UNC5C: variants seen among roughly 807,000 people sequenced by gnomAD.
UNC5C encodes the protein unc-5 netrin receptor C, also known as netrin receptor UNC5C.
UNC5C carries 47 observed loss-of-function variants against 99.8 expected under a neutral mutation model. The observed-to-expected ratio is 0.47, with a 90% CI of 0.37 to 0.60. UNC5C has a LOEUF of 0.60. Ranked by LOEUF, UNC5C falls within the 20% of genes least tolerant of loss-of-function variation. The pLI is 0.00. For missense variants in UNC5C, 1,062 were observed against 1,165.9 expected, an observed-to-expected ratio of 0.91 and a Z score of 1.30; for synonymous variants, 487 against 452.2, an observed-to-expected ratio of 1.08 and a Z score of -0.98.
chr4:95,423,383 T>C (rs994904414), intron 1 of UNC5C, among the ~76,000 whole-genome samples: 1 of 152,214 alleles, frequency 6.6e-6, no homozygotes, highest in African/African-American at 2.4e-5. Flanking sequence ...GTAAGTTGCC[T>C]GCTCTCAGCT....
In UNC5C at chr4:95,162,697, C is replaced by A. The variant is rs1036714836; in HGVS notation, c.*6537G>T. On this transcript the variant is annotated 3_prime_UTR_variant, in exon 16 of 16. Coordinates refer to ENST00000453304, the MANE Select transcript of UNC5C (RefSeq NM_003728.4). ...CTCACCTCCACCACTCAGCAAGGCG[C>A]CGGACAGATATCCGGAGGGCACTCT... 3 of 152,096 alleles carry A rather than the reference C, an allele frequency of 2.0e-5. No individual in the cohort carries two copies. Among genetic ancestry groups the A allele is most frequent in the African/African-American group, 4.8e-5 (2 of 41,406 alleles). The allele number at this position is 152,096 out of a possible 1,614,324, so 9.4% of individuals were successfully genotyped here.
At position 95,202,845 on chromosome 4, in the gene UNC5C, G is replaced by A. The variant is rs1560730418; in HGVS notation, c.2022C>T (p.Thr674=). ...TGAGGCGCTTCGCAGCCGCTTTGGTGGTGGAATGTCCTACCAGGGCGTAGG... is the reference window on the plus strand; with the variant it reads ...TGAGGCGCTTCGCAGCCGCTTTGGTAGTGGAATGTCCTACCAGGGCGTAGG... ...LSTYALVGHS[T]TKAAAKRLKL... is the part of the protein sequence containing the mutation. Residue 674 remains threonine, a synonymous_variant, in exon 12 of 16, where the codon ACC becomes ACT. Coordinates refer to ENST00000453304, the MANE Select transcript of UNC5C (RefSeq NM_003728.4). 6.2e-7 allele frequency: 1 copy of A among 1,614,122 alleles called. No homozygotes were observed. The highest frequency in any genetic ancestry group is 1.3e-5 in the African/African-American group (1 of 74,940).
At chr4:95,252,147 A>G (rs897883840) in intron 4 of UNC5C, among the ~76,000 whole-genome samples, 5 of 152,190 alleles carry the variant, frequency 3.3e-5, no homozygotes, top group Non-Finnish European at 7.3e-5. Flanking sequence ...GGATTTTCTC[A>G]ACGTTTCACC....
At chr4:95,498,036 A>G (rs1721676289) in intron 1 of UNC5C, among the ~76,000 whole-genome samples, 2 of 151,938 alleles carry the variant, frequency 1.3e-5, no homozygotes, top group Non-Finnish European at 2.9e-5. Flanking sequence ...TAATTGCTCT[A>G]CCACTTCACA....
intron 1 of UNC5C, among the ~76,000 whole-genome samples, chr4:95,360,030 G>A (rs1470695543): frequency 1.3e-5 from 2 of 151,950 alleles, no homozygotes; most frequent in Non-Finnish European, 2.9e-5. Context: ...CTTTTTGCTT[G>A]ACAAATACTC....
intron 10 of UNC5C, among the ~76,000 whole-genome samples, chr4:95,211,342 T>C (rs1738068408): frequency 6.6e-6 from 1 of 152,054 alleles, no homozygotes; most frequent in Admixed American, 6.6e-5. Context: ...AAAAATAATA[T>C]TTATGAAAGC....
chr4:95,506,956 TAAC>T (rs1721939212), intron 1 of UNC5C, among the ~76,000 whole-genome samples: 1 of 150,894 alleles, frequency 6.6e-6, no homozygotes, highest in South Asian at 2.1e-4. Context: ...ATAATACAAA[TAAC>T]AAATAATAAA....
chr4:95,403,964 A>C (rs1046136885), intron 1 of UNC5C, among the ~76,000 whole-genome samples: 2 of 152,226 alleles, frequency 1.3e-5, no homozygotes. Context: ...TTAGACATAC[A>C]TAACACAATA....
intron 13 of UNC5C, among the ~76,000 whole-genome samples, chr4:95,183,620 G>A (rs1736706315): frequency 6.6e-6 from 1 of 151,674 alleles, no homozygotes; most frequent in Admixed American, 6.6e-5. Context: ...AAAGTTCTTG[G>A]CACCAAGCAT....
intron 12 of UNC5C, among the ~76,000 whole-genome samples, chr4:95,188,255 C>T (rs1436612433): frequency 6.6e-6 from 1 of 152,080 alleles, no homozygotes; most frequent in East Asian, 1.9e-4. Context: ...AGTAACCTTA[C>T]CACACTTAAC....
At chr4:95,418,012 T>C (rs1746217360) in intron 1 of UNC5C, among the ~76,000 whole-genome samples, 1 of 152,238 alleles carries the variant, frequency 6.6e-6, no homozygotes, top group African/African-American at 2.4e-5. Context: ...CAATTAATGG[T>C]CTCAAGAAGT....
At chr4:95,354,370 C>T (rs1744095105) in intron 1 of UNC5C, among the ~76,000 whole-genome samples, 1 of 151,376 alleles carries the variant, frequency 6.6e-6, no homozygotes, top group Non-Finnish European at 1.5e-5. Flanking sequence ...CCTCCACATT[C>T]CAAAAACACA....
intron 1 of UNC5C, among the ~76,000 whole-genome samples, chr4:95,343,014 G>A (rs1560795619): frequency 6.6e-6 from 1 of 151,234 alleles, no homozygotes; most frequent in Non-Finnish European, 1.5e-5. Context: ...TAGAGTTCCA[G>A]GTAGATTCTT....
chr4:95,261,923 T>C (rs1452911305), intron 4 of UNC5C, among the ~76,000 whole-genome samples: 2 of 152,156 alleles, frequency 1.3e-5, no homozygotes. Flanking sequence ...CAGGATGGTC[T>C]CGATTGCCTG....
chr4:95,242,429 T>G lies in UNC5C; in HGVS notation c.1108A>C (p.Thr370Pro). ...CTGCAGTTTGCTTAAATTGACTTACTCTGCATGCAAAGCCCATCAGTGCAG... is the reference window on the plus strand; with the variant it reads ...CTGCAGTTTGCTTAAATTGACTTACGCTGCATGCAAAGCCCATCAGTGCAG... ...KNCTDGLCMQ[T>P]APDSDDVALY... The change falls in exon 7 of 16, where the codon ACT becomes CCT. Residue 370 changes from threonine (T) to proline (P), a missense_variant and splice_region_variant. Coordinates refer to ENST00000453304, the MANE Select transcript of UNC5C (RefSeq NM_003728.4). 2 of 1,614,156 alleles carry G rather than the reference T, an allele frequency of 1.2e-6. No homozygotes were observed. The highest frequency in any genetic ancestry group is 2.2e-5 in the South Asian group (2 of 91,074).
chr4:95,434,705 G>T (rs1746726391), intron 1 of UNC5C, among the ~76,000 whole-genome samples: 1 of 152,028 alleles, frequency 6.6e-6, no homozygotes, highest in African/African-American at 2.4e-5. Context: ...TAAAATCTAG[G>T]AAAAGTTCAA....
chr4:95,252,174 G>A (rs1426715997), intron 4 of UNC5C, among the ~76,000 whole-genome samples: 2 of 152,148 alleles, frequency 1.3e-5, no homozygotes, highest in Non-Finnish European at 2.9e-5. Context: ...GTGGAAATAC[G>A]ATCCTGCTGG....
chr4:95,451,493 C>A (rs891020626), intron 1 of UNC5C, among the ~76,000 whole-genome samples: 3 of 152,092 alleles, frequency 2.0e-5, no homozygotes, highest in Non-Finnish European at 4.4e-5. Context: ...ATAGTAATAA[C>A]CCTAATAGTT....
chr4:95,296,554 G>T (rs1306375593), intron 3 of UNC5C, among the ~76,000 whole-genome samples: 1 of 152,062 alleles, frequency 6.6e-6, no homozygotes, highest in Non-Finnish European at 1.5e-5. Context: ...CACAACAATG[G>T]TCTCTGCAAA....
Sources: gnomAD v4.1 joint callset for allele counts (sites outside exome capture counted in the v4.1 genomes callset) on GRCh38, gnomAD v4.1.1 for gene constraint, MANE v1.5 for transcripts, NCBI Gene and HGNC (gene_info 2026-07-23, HGNC 2026-07-21) for gene names.